ROBO1: variants seen among roughly 807,000 people sequenced by gnomAD.
ROBO1 encodes roundabout guidance receptor 1.
Under a neutral mutation model 195.9 loss-of-function variants are expected in ROBO1, and 149 were observed. The observed-to-expected ratio is 0.76, with a 90% CI of 0.67 to 0.87. ROBO1 has a LOEUF of 0.87. ROBO1 is among the 40% of genes least tolerant of loss of function. The probability of loss-of-function intolerance (pLI) is 0.00; values close to 1 mark genes in which losing one functional copy is unlikely to be tolerated. For synonymous variants in ROBO1, 816 were observed against 733.2 expected, an observed-to-expected ratio of 1.11 and a Z score of -1.82; for missense variants, 1,933 against 2,068.3, an observed-to-expected ratio of 0.93 and a Z score of 1.27.
At chr3:79,571,703 A>G (rs1351445996) in intron 2 of ROBO1, among the ~76,000 whole-genome samples, 1 of 152,116 alleles carries the variant, frequency 6.6e-6, no homozygotes, top group Non-Finnish European at 1.5e-5. Context: ...TTTTAAATTG[A>G]TTCATTAGAC....
chr3:79,419,703 T>A (rs995581645), intron 2 of ROBO1, among the ~76,000 whole-genome samples: 1 of 152,134 alleles, frequency 6.6e-6, no homozygotes, highest in Non-Finnish European at 1.5e-5. Flanking sequence ...ACTGCAGATA[T>A]TTGATACATA....
intron 2 of ROBO1, among the ~76,000 whole-genome samples, chr3:79,335,326 TA>T: frequency 6.6e-6 from 1 of 152,182 alleles, no homozygotes; most frequent in East Asian, 1.9e-4. Context: ...TATTGATAAA[TA>T]AAGTATCTAG....
chr3:79,042,285 A>T (rs1576603173), intron 3 of ROBO1, among the ~76,000 whole-genome samples: 1 of 152,340 alleles, frequency 6.6e-6, no homozygotes, highest in Non-Finnish European at 1.5e-5. Context: ...ACATATGTAT[A>T]TATAATGCAA....
chr3:79,003,082 A>G (rs2077541964), intron 3 of ROBO1, among the ~76,000 whole-genome samples: 1 of 152,132 alleles, frequency 6.6e-6, no homozygotes, highest in South Asian at 2.1e-4. Flanking sequence ...CATTTTTTTA[A>G]ATGTGGGAGT....
chr3:78,645,638 GA>G (rs1706232920), intron 21 of ROBO1, among the ~76,000 whole-genome samples: 1 of 151,930 alleles, frequency 6.6e-6, no homozygotes, highest in African/African-American at 2.4e-5. Flanking sequence ...TTAGAGGAGG[GA>G]AAACATTCTT....
chr3:78,797,052 C>T (rs1483166821), intron 4 of ROBO1, among the ~76,000 whole-genome samples: 1 of 152,166 alleles, frequency 6.6e-6, no homozygotes, highest in Non-Finnish European at 1.5e-5. Flanking sequence ...TAGTCTTTGG[C>T]TACAGCTTCT....
At chr3:78,855,177 T>C (rs1311108140) in intron 4 of ROBO1, among the ~76,000 whole-genome samples, 1 of 152,014 alleles carries the variant, frequency 6.6e-6, no homozygotes, top group Non-Finnish European at 1.5e-5. Context: ...ACTTGAATGG[T>C]ACCTTGATCA....
At chr3:79,517,984 G>T (rs572672036) in intron 2 of ROBO1, among the ~76,000 whole-genome samples, 1 of 152,206 alleles carries the variant, frequency 6.6e-6, no homozygotes, top group South Asian at 2.1e-4. Context: ...TATTGACCAC[G>T]TTGGCTTGGA....
At chr3:79,019,463 T>A (rs1222479348) in intron 3 of ROBO1, 19 of 986,144 alleles carry the variant, frequency 1.9e-5, no homozygotes, top group South Asian at 4.7e-5. Flanking sequence ...CTCAATTGCT[T>A]GTGGGTTTCC....
chr3:78,735,615 C>T lies in ROBO1; in HGVS notation c.657+11128G>A, dbSNP rs146875109. Among the ~76,000 whole-genome samples, 377 of 152,152 alleles carry T rather than the reference C, an allele frequency of 2.5e-3. 3 individuals are homozygous for T. The highest frequency in any genetic ancestry group is 8.7e-3 in the African/African-American group (360 of 41,512). Reference sequence around the variant, plus strand: ...AATCAACATAAGGCCATCCCCATACCTAACGGATAAATAAGCAGGGAAATT... The same window carrying T: ...AATCAACATAAGGCCATCCCCATACTTAACGGATAAATAAGCAGGGAAATT... On this transcript the variant is annotated intron_variant, in intron 5 of 30. Coordinates refer to ENST00000464233, the MANE Select transcript of ROBO1 (RefSeq NM_002941.4).
chr3:79,172,421 A>G (rs9823652), intron 2 of ROBO1, among the ~76,000 whole-genome samples: 98,650 of 152,022 alleles, frequency 0.65, 36,674 homozygotes, highest in South Asian at 0.84. Context: ...TCTGTACTTC[A>G]TCATCCCCTT....
chr3:78,784,502 T>A (rs954770229), intron 4 of ROBO1, among the ~76,000 whole-genome samples: 3 of 152,160 alleles, frequency 2.0e-5, no homozygotes, highest in South Asian at 4.1e-4. Context: ...TGTCTAGGTA[T>A]AGAATGCATG....
chr3:79,550,401 T>C (rs1942467300), intron 2 of ROBO1, among the ~76,000 whole-genome samples: 1 of 152,086 alleles, frequency 6.6e-6, no homozygotes, highest in Non-Finnish European at 1.5e-5. Context: ...AAGCACATGG[T>C]AAGCCAGGAT....
chr3:78,890,628 T>C lies in ROBO1; in HGVS notation c.499+47973A>G, dbSNP rs546939835. On this transcript the variant is annotated intron_variant, in intron 4 of 30. Coordinates refer to ENST00000464233, the MANE Select transcript of ROBO1 (RefSeq NM_002941.4). ...TATTTTTTTGTCCATTAAGACATAC[T>C]TTGAACTTACTTTTTTAGTTGTATT... Among the ~76,000 whole-genome samples, 48 of 152,342 alleles carry C rather than the reference T, an allele frequency of 3.2e-4. 1 individual carries two copies. The South Asian group carries it at 7.0e-3, about 22-fold the overall frequency.
intron 4 of ROBO1, among the ~76,000 whole-genome samples, chr3:78,809,182 G>T (rs1576208151): frequency 6.6e-6 from 1 of 151,700 alleles, no homozygotes; most frequent in South Asian, 2.1e-4. Context: ...GTGGGCAAAG[G>T]ATATAAACAG....
chr3:79,215,696 G>C (rs916198854), intron 2 of ROBO1, among the ~76,000 whole-genome samples: 2 of 152,150 alleles, frequency 1.3e-5, no homozygotes, highest in Non-Finnish European at 2.9e-5. Flanking sequence ...GTGAGCATGT[G>C]GGTGTATGAT....
intron 4 of ROBO1, among the ~76,000 whole-genome samples, chr3:78,763,640 T>C (rs563261742): frequency 1.1e-3 from 165 of 152,286 alleles, no homozygotes; most frequent in Non-Finnish European, 1.9e-3. Context: ...TTTCATTTAA[T>C]TTATAATTTA....
At position 78,829,823 on chromosome 3, in the gene ROBO1, C is replaced by G. The variant is rs542493944; in HGVS notation, c.500-82923G>C. ...ACTTGTTTCTATGGGTAAATAAGGACCAGGCTGTATGAACATATTTCATGA... is the reference window on the plus strand; with the variant it reads ...ACTTGTTTCTATGGGTAAATAAGGAGCAGGCTGTATGAACATATTTCATGA... On this transcript the variant is annotated intron_variant, in intron 4 of 30. Transcript: ENST00000464233. Among the ~76,000 whole-genome samples, 630 of 152,114 alleles carry G rather than the reference C, an allele frequency of 4.1e-3. 9 individuals carry two copies. The highest frequency in any genetic ancestry group is 0.035 in the South Asian group (167 of 4,818).
intron 4 of ROBO1, among the ~76,000 whole-genome samples, chr3:78,789,936 C>T (rs1480387983): frequency 6.6e-6 from 1 of 152,198 alleles, no homozygotes; most frequent in Non-Finnish European, 1.5e-5. Flanking sequence ...CCAAATTGGA[C>T]CAACATCTTG....
Sources: gnomAD v4.1 joint callset for allele counts (sites outside exome capture counted in the v4.1 genomes callset) on GRCh38, gnomAD v4.1.1 for gene constraint, MANE v1.5 for transcripts, NCBI Gene and HGNC (gene_info 2026-07-23, HGNC 2026-07-21) for gene names.